Variants in AMPH observed in about 807,000 individuals in gnomAD.
The protein encoded by AMPH is amphiphysin (Stiff-Mann syndrome with breast cancer 128kD autoantigen).
Under a neutral mutation model 99.1 loss-of-function variants are expected in AMPH, and 49 were observed. The observed-to-expected ratio is 0.49, with a 90% CI of 0.39 to 0.63. The LOEUF is 0.63. Among genes scored for constraint, AMPH ranks in the 20% least tolerant of loss-of-function variants. AMPH has a pLI of 0.00. For synonymous variants in AMPH, 314 were observed against 317.3 expected (o/e 0.99, Z 0.11); for missense variants, 759 against 863.4 (o/e 0.88, Z 1.52).
At chr7:38,526,579 A>T (rs1477992701) in intron 2 of AMPH, among the ~76,000 whole-genome samples, 2 of 151,684 alleles carry the variant, frequency 1.3e-5, no homozygotes, top group Non-Finnish European at 2.9e-5. Context: ...CCCGGCCTCT[A>T]TTCATGGATT....
chr7:38,496,996 T>A (rs1788956855), intron 3 of AMPH, among the ~76,000 whole-genome samples: 1 of 152,198 alleles, frequency 6.6e-6, no homozygotes, highest in Non-Finnish European at 1.5e-5. Flanking sequence ...AAGCATGATG[T>A]TGCAGTAAAT....
At chr7:38,509,022 A>G (rs990926320) in intron 2 of AMPH, among the ~76,000 whole-genome samples, 1 of 152,202 alleles carries the variant, frequency 6.6e-6, no homozygotes, top group Non-Finnish European at 1.5e-5. Flanking sequence ...CCCTATGAAA[A>G]GTTCAGGTGC....
intron 1 of AMPH, among the ~76,000 whole-genome samples, chr7:38,599,745 T>C (rs1173355505): frequency 6.6e-6 from 1 of 151,424 alleles, no homozygotes; most frequent in Non-Finnish European, 1.5e-5. Context: ...GTATTTGTTC[T>C]GTAGCATGCA....
intron 1 of AMPH, among the ~76,000 whole-genome samples, chr7:38,610,053 G>A (rs565625097): frequency 3.3e-5 from 5 of 150,766 alleles, no homozygotes; most frequent in South Asian, 2.1e-4. Flanking sequence ...CCTGACCAAC[G>A]TGGAGAAACC....
At chr7:38,414,933 G>C (rs1217907932) in intron 17 of AMPH, among the ~76,000 whole-genome samples, 1 of 152,006 alleles carries the variant, frequency 6.6e-6, no homozygotes, top group Non-Finnish European at 1.5e-5. Flanking sequence ...CAAAGTGCTG[G>C]GATTACAGGC....
At chr7:38,412,964 C>G (rs1178688136) in intron 17 of AMPH, among the ~76,000 whole-genome samples, 2 of 152,168 alleles carry the variant, frequency 1.3e-5, no homozygotes, top group Non-Finnish European at 2.9e-5. Flanking sequence ...TGATGGAGAT[C>G]TAACAGGGAC....
intron 1 of AMPH, among the ~76,000 whole-genome samples, chr7:38,552,720 G>A (rs1365577346): frequency 6.6e-6 from 1 of 152,144 alleles, no homozygotes; most frequent in Non-Finnish European, 1.5e-5. Context: ...TATCAGCCAG[G>A]CTCAAATAAG....
Position 38,491,082 on chromosome 7 carries a change from C to T in AMPH, c.364G>A (p.Asp122Asn). 1.2e-6 allele frequency: 2 copies of T among 1,612,922 alleles called. No homozygotes were observed. The highest frequency in any genetic ancestry group is 1.7e-6 in the Non-Finnish European group (2 of 1,179,122). The change falls in exon 5 of 21, where the codon GAT becomes AAT. Residue 122 changes from aspartate (D) to asparagine (N), a missense_variant. By Grantham distance (23) the Asp-to-Asn change is conservative (BLOSUM62 1). Transcript: ENST00000356264. ...KLVDGSLLTL[D>N]TYLGQFPDIK... ...TCAGGAAATTGCCCCAGGTAGGTAT[C>T]CAGTGTTAGCAAGGACCCATCCACG...
chr7:38,556,979 G>A (rs1042831733), intron 1 of AMPH, among the ~76,000 whole-genome samples: 1 of 152,140 alleles, frequency 6.6e-6, no homozygotes, highest in African/African-American at 2.4e-5. Flanking sequence ...AAGCATGAGC[G>A]TAGAACAATA....
rs376771005 is a variant in AMPH at position 38,436,868 on chromosome 7, T to A, written c.1018-480A>T. 3.9e-5 allele frequency among the ~76,000 whole-genome samples: 6 copies of A among 152,290 alleles called. No individual in the cohort carries two copies. The East Asian group carries it at 9.6e-4, about 24-fold the overall frequency. ...GTGCCATTGTGTACTGCTGACCACA[T>A]CCCAACGGCCTCATTCCCTCACTGG... is the stretch of plus-strand genomic sequence containing the variant. On this transcript the variant is annotated intron_variant, in intron 11 of 20. Transcript: ENST00000356264.
At chr7:38,511,149 T>A (rs996172948) in intron 2 of AMPH, among the ~76,000 whole-genome samples, 1 of 152,088 alleles carries the variant, frequency 6.6e-6, no homozygotes, top group African/African-American at 2.4e-5. Flanking sequence ...ATCTGCTGAG[T>A]GCCTGGCACA....
At position 38,406,061 on chromosome 7, in the gene AMPH, G is replaced by A. The variant is rs542638548; in HGVS notation, c.1398+11764C>T. ...GAATAAAATTAGAAATAAATACCAG[G>A]AGAAACTCTAAAAACCACACAAATA... On this transcript the variant is annotated intron_variant, in intron 17 of 20. Transcript: ENST00000356264. 1.4e-3 allele frequency among the ~76,000 whole-genome samples: 208 copies of A among 152,104 alleles called. 1 individual carries two copies. Among genetic ancestry groups the A allele is most frequent in the Non-Finnish European group, 2.8e-3 (187 of 67,980 alleles).
At chr7:38,447,283 T>G (rs1314724775) in intron 11 of AMPH, among the ~76,000 whole-genome samples, 1 of 152,176 alleles carries the variant, frequency 6.6e-6, no homozygotes, top group Non-Finnish European at 1.5e-5. Flanking sequence ...CCTCCCAAAG[T>G]GCTGGGAGTA....
At chr7:38,542,235 G>A (rs1790832959) in intron 1 of AMPH, among the ~76,000 whole-genome samples, 1 of 152,104 alleles carries the variant, frequency 6.6e-6, no homozygotes, top group South Asian at 2.1e-4. Context: ...CCAACCCAGA[G>A]TATAATAATT....
intron 13 of AMPH, among the ~76,000 whole-genome samples, chr7:38,430,350 G>A (rs1339287116): frequency 1.3e-5 from 2 of 152,194 alleles, no homozygotes; most frequent in Non-Finnish European, 2.9e-5. Context: ...CAGTCTGACT[G>A]CCTGCAGAGT....
chr7:38,433,688 G>A, intron 12 of AMPH, among the ~76,000 whole-genome samples: 1 of 65,300 alleles, frequency 1.5e-5, no homozygotes, highest in Non-Finnish European at 2.6e-5. Context: ...TCCTGCCACT[G>A]CACTCCAGCC....
At chr7:38,569,872 T>C (rs1791879312) in intron 1 of AMPH, among the ~76,000 whole-genome samples, 1 of 152,174 alleles carries the variant, frequency 6.6e-6, no homozygotes, top group South Asian at 2.1e-4. Flanking sequence ...TGGAAGCAAT[T>C]TTCATAAAAA....
At chr7:38,589,483 G>A (rs1214289712) in intron 1 of AMPH, among the ~76,000 whole-genome samples, 1 of 152,166 alleles carries the variant, frequency 6.6e-6, no homozygotes, top group African/African-American at 2.4e-5. Context: ...TTAAATAGCA[G>A]AATGTTTAAT....
At chr7:38,526,287 T>C (rs1258885514) in intron 2 of AMPH, among the ~76,000 whole-genome samples, 1 of 151,218 alleles carries the variant, frequency 6.6e-6, no homozygotes, top group Non-Finnish European at 1.5e-5. Context: ...TTTTTTTTTC[T>C]GAGATAGAGT....
Sources: gnomAD v4.1 joint callset for allele counts (sites outside exome capture counted in the v4.1 genomes callset) on GRCh38, gnomAD v4.1.1 for gene constraint, MANE v1.5 for transcripts, NCBI Gene and HGNC (gene_info 2026-07-23, HGNC 2026-07-21) for gene names.